TMEM30A: variants seen among roughly 807,000 people sequenced by gnomAD.
TMEM30A encodes cell division cycle 50 P4-ATPase accessory subunit A.
In TMEM30A, 24 loss-of-function variants were observed where a neutral mutation model predicts 38.2. The ratio of observed to expected loss-of-function variants is 0.63; its 90% CI spans 0.46 to 0.88. The LOEUF is 0.88. Ranked by LOEUF, TMEM30A falls within the 40% of genes least tolerant of loss-of-function variation. The pLI is 0.00. For synonymous variants in TMEM30A, 145 were observed against 161.6 expected, an observed-to-expected ratio of 0.90 and a Z score of 0.78; for missense variants, 370 against 458.6, an observed-to-expected ratio of 0.81 and a Z score of 1.77.
chr6:75,270,857 ACTTTTCTTTCACT>A (rs2149522002), intron 1 of TMEM30A, among the ~76,000 whole-genome samples: 2 of 152,334 alleles, frequency 1.3e-5, no homozygotes, highest in South Asian at 4.1e-4. Flanking sequence ...GTTTAGAGAA[ACTTTTCTTTCACT>A]GCATAATTAA....
intron 1 of TMEM30A, among the ~76,000 whole-genome samples, chr6:75,271,969 A>T (rs1772180283): frequency 6.6e-6 from 1 of 152,240 alleles, no homozygotes; most frequent in Non-Finnish European, 1.5e-5. Context: ...GATGGAAAAG[A>T]GAGAAAGAGG....
At chr6:75,281,294 A>G (rs1470895691) in intron 1 of TMEM30A, among the ~76,000 whole-genome samples, 2 of 152,184 alleles carry the variant, frequency 1.3e-5, no homozygotes, top group South Asian at 2.1e-4. Context: ...CAAGGGTCCT[A>G]GACTAGAAAA....
chr6:75,279,578 T>C (rs1339841334), intron 1 of TMEM30A, among the ~76,000 whole-genome samples: 1 of 152,184 alleles, frequency 6.6e-6, no homozygotes, highest in Non-Finnish European at 1.5e-5. Flanking sequence ...TCTGGAGACT[T>C]GCCCATTAGC....
At chr6:75,270,264 T>C (rs891102797) in intron 1 of TMEM30A, among the ~76,000 whole-genome samples, 2 of 152,204 alleles carry the variant, frequency 1.3e-5, no homozygotes, top group African/African-American at 4.8e-5. Context: ...TAATATGTCA[T>C]TGTTGTTGTA....
chr6:75,266,208 A>G (rs1772064692), intron 2 of TMEM30A, among the ~76,000 whole-genome samples: 1 of 152,176 alleles, frequency 6.6e-6, no homozygotes, highest in South Asian at 2.1e-4. Context: ...CTTAATTAAA[A>G]GTAATTCAGT....
Position 75,259,402 on chromosome 6 carries a change from T to C in TMEM30A, c.630A>G (p.Lys210=), listed in dbSNP as rs1224293960. 2 of 1,613,582 alleles carry C rather than the reference T, an allele frequency of 1.2e-6. No individual in the cohort carries two copies. Among genetic ancestry groups the C allele is most frequent in the Non-Finnish European group, 1.7e-6 (2 of 1,179,790 alleles). The change falls in exon 5 of 7, where the codon AAA becomes AAG. Residue 210 remains lysine (K), a synonymous_variant. Coordinates refer to ENST00000230461, the MANE Select transcript of TMEM30A (RefSeq NM_018247.4). ...KKKGIAWWTD[K]NVKFRNPPGG... ...CAGGGGGATTTCTGAATTTCACATT[T>C]TTATCTGTCCACCAAGCAATACCTT...
Position 75,258,949 on chromosome 6 carries a change from G to A in TMEM30A, c.723C>T (p.Tyr241=). The change falls in exon 6 of 7, where the codon TAC becomes TAT. Residue 241 remains tyrosine (Y), a synonymous_variant. Coordinates refer to ENST00000230461, the MANE Select transcript of TMEM30A (RefSeq NM_018247.4). ...TKPVNWLKPV[Y]MLDSDPDNNG... is the part of the protein sequence containing the mutation. ...TATTATCTGGGTCAGAATCCAGCAT[G>A]TAAACTGGTTTAAGCCAGTTCACAG... 1 of 1,613,788 alleles carries A rather than the reference G, an allele frequency of 6.2e-7. No homozygotes were observed.
intron 3 of TMEM30A, among the ~76,000 whole-genome samples, chr6:75,262,179 T>C (rs1168409142): frequency 6.6e-6 from 1 of 152,036 alleles, no homozygotes; most frequent in Non-Finnish European, 1.5e-5. Flanking sequence ...AAATCCCATC[T>C]CTACAAAAAT....
rs1582274024 is a variant in TMEM30A at position 75,258,694 on chromosome 6, A to C, written c.892+86T>G. 3 of 1,197,652 alleles carry C rather than the reference A, an allele frequency of 2.5e-6. No individual in the cohort carries two copies. In the East Asian group the frequency reaches 7.2e-5, roughly 29 times the overall value. The allele number at this position is 1,197,652 out of a possible 1,614,324, so 74.2% of individuals were successfully genotyped here. A position where few individuals can be genotyped will look rare whatever the true frequency, so the allele number is the denominator to read the frequency against. On this transcript the variant is annotated intron_variant, in intron 6 of 6. Coordinates refer to ENST00000230461, the MANE Select transcript of TMEM30A (RefSeq NM_018247.4). The stretch of plus-strand genomic sequence containing the variant: ...ATGCAGAGACCAAAACTAAAGCACA[A>C]GGTAACATGCCACATAACAGATATA...
At chr6:75,278,243 C>T (rs1248031968) in intron 1 of TMEM30A, among the ~76,000 whole-genome samples, 1 of 152,168 alleles carries the variant, frequency 6.6e-6, no homozygotes, top group Non-Finnish European at 1.5e-5. Flanking sequence ...GATGACATAC[C>T]ATTTCACCAC....
chr6:75,261,046 A>C, intron 3 of TMEM30A, 135 bp from the exon 4 acceptor site: 1 of 526,324 alleles, frequency 1.9e-6, no homozygotes, highest in Non-Finnish European at 3.4e-6. Context: ...CTGTAATGTA[A>C]GTAGGCTATA....
At chr6:75,268,600 T>A (rs749871973) in intron 1 of TMEM30A, among the ~76,000 whole-genome samples, 58 of 152,212 alleles carry the variant, frequency 3.8e-4, no homozygotes, top group Non-Finnish European at 7.5e-4. Flanking sequence ...AAGCTCTGCA[T>A]TCAGGACTGT....
chr6:75,259,945 G>A (rs1414986332), intron 4 of TMEM30A, among the ~76,000 whole-genome samples: 1 of 152,076 alleles, frequency 6.6e-6, no homozygotes, highest in African/African-American at 2.4e-5. Flanking sequence ...ATACACATCA[G>A]ATATCAAAGA....
chr6:75,261,366 T>C, intron 3 of TMEM30A, among the ~76,000 whole-genome samples: 1 of 152,236 alleles, frequency 6.6e-6, no homozygotes, highest in African/African-American at 2.4e-5. Flanking sequence ...TGTCCAACTA[T>C]ACAATCTGAA....
intron 1 of TMEM30A, chr6:75,284,160 C>T: frequency 3.5e-6 from 2 of 577,746 alleles, no homozygotes; most frequent in Non-Finnish European, 6.2e-6. Flanking sequence ...CATTCCGTCT[C>T]AGCTCATTCC....
intron 1 of TMEM30A, among the ~76,000 whole-genome samples, chr6:75,273,350 C>T (rs533540235): frequency 1.7e-4 from 26 of 152,196 alleles, no homozygotes; most frequent in Non-Finnish European, 2.8e-4. Context: ...CCCATCATGA[C>T]GTAATCATTC....
At chr6:75,281,585 A>G (rs1362647658) in intron 1 of TMEM30A, among the ~76,000 whole-genome samples, 1 of 152,156 alleles carries the variant, frequency 6.6e-6, no homozygotes, top group Non-Finnish European at 1.5e-5. Context: ...TGTCCAAGAC[A>G]CTTTTCAAAA....
intron 1 of TMEM30A, among the ~76,000 whole-genome samples, chr6:75,269,466 G>T (rs1772130264): frequency 6.6e-6 from 1 of 152,048 alleles, no homozygotes; most frequent in South Asian, 2.1e-4. Flanking sequence ...TCTTTTCATG[G>T]GTTCATAGTT....
Position 75,255,912 on chromosome 6 carries a change from T to C in TMEM30A, c.*190A>G. The stretch of plus-strand genomic sequence containing the variant: ...GTTGATATGATCAATATAGCTAATT[T>C]TTTTATACCCGTCATATATTTTTAG... On this transcript the variant is annotated 3_prime_UTR_variant, in exon 7 of 7. Coordinates refer to ENST00000230461, the MANE Select transcript of TMEM30A (RefSeq NM_018247.4). The C allele has an allele frequency of 2.0e-6, 1 of 500,990 alleles. No homozygotes were observed. Among genetic ancestry groups the C allele is most frequent in the Non-Finnish European group, 3.5e-6 (1 of 283,046 alleles). 31.0% of individuals were successfully genotyped at this position (500,990 alleles called of 1,614,324 possible).
Sources: allele counts gnomAD v4.1 joint callset (sites outside exome capture counted in the v4.1 genomes callset), GRCh38; gene constraint gnomAD v4.1.1; transcripts MANE v1.5; gene names NCBI Gene and HGNC (gene_info 2026-07-23, HGNC 2026-07-21).